DNTT: variants seen among roughly 807,000 people sequenced by gnomAD.
DNTT encodes the protein DNA nucleotidylexotransferase, also known as nucleosidetriphosphate:DNA deoxynucleotidylexotransferase.
DNTT carries 47 observed loss-of-function variants against 60.9 expected under a neutral mutation model. That is an observed-to-expected ratio of 0.77 (90% CI 0.61 to 0.98). The LOEUF (loss-of-function observed/expected upper bound fraction) is 0.98. Ranked by LOEUF, DNTT falls within the 50% of genes least tolerant of loss-of-function variation. DNTT has a pLI of 0.00. For synonymous variants in DNTT, 224 were observed against 221.2 expected (o/e 1.01, Z -0.11); for missense variants, 665 against 627.5 (o/e 1.06, Z -0.64).
At position 96,328,628 on chromosome 10, in the gene DNTT, C is replaced by T. The variant is rs1844967293; in HGVS notation, c.1008-97C>T. Reference sequence around the variant, plus strand: ...AAAAAGTCAAGAACCTTCTATGTTGCAAATCTTAAGCATAGGGCATAGAAA... The same window carrying T: ...AAAAAGTCAAGAACCTTCTATGTTGTAAATCTTAAGCATAGGGCATAGAAA... On this transcript the variant is annotated intron_variant, in intron 7 of 10. Coordinates refer to ENST00000371174, the MANE Select transcript of DNTT (RefSeq NM_004088.4). The T allele has an allele frequency of 2.5e-6, 3 of 1,184,832 alleles. No homozygotes were observed. The African/African-American group carries it at 4.6e-5, about 18-fold the overall frequency. 73.4% of individuals were successfully genotyped at this position (1,184,832 alleles called of 1,614,324 possible). A position where few individuals can be genotyped will look rare whatever the true frequency, so the allele number is the denominator to read the frequency against.
chr10:96,305,622 T>TG (rs1236879837), intron 1 of DNTT, among the ~76,000 whole-genome samples: 9 of 152,216 alleles, frequency 5.9e-5, no homozygotes, highest in African/African-American at 2.2e-4. Context: ...CCACAAATTT[T>TG]CAGGCAAAAC....
chr10:96,304,576 C>T lies in DNTT; in HGVS notation c.79C>T (p.Pro27Ser). The T allele has an allele frequency of 6.2e-7, 1 of 1,614,160 alleles. No homozygotes were observed. The highest frequency in any genetic ancestry group is 8.5e-7 in the Non-Finnish European group (1 of 1,180,022). The part of the protein sequence containing the change: ...RQTGALMASS[P>S]QDIKFQDLVV... The stretch of plus-strand genomic sequence containing the variant: ...GACGGGTGCCTTGATGGCCTCCTCT[C>T]CTCAAGACATCAAATTTCAAGATTT... The change falls in exon 1 of 11, where the codon CCT (proline) becomes TCT (serine). Residue 27 changes from proline (P) to serine (S), a missense_variant. By Grantham distance (74) the Pro-to-Ser change is moderately conservative (BLOSUM62 -1). Transcript: ENST00000371174.
intron 1 of DNTT, among the ~76,000 whole-genome samples, chr10:96,315,207 C>CA: frequency 6.8e-6 from 1 of 146,888 alleles, no homozygotes; most frequent in African/African-American, 2.5e-5. Context: ...GACCAGTTTT[C>CA]AAAAAATGTG....
chr10:96,318,640 C>A, intron 2 of DNTT, 114 bp downstream of exon 2: 1 of 1,296,336 alleles, frequency 7.7e-7, no homozygotes, highest in Non-Finnish European at 1.0e-6. Context: ...CCTGTGTGAC[C>A]TTGGGCAAGT....
intron 3 of DNTT, 41 bp downstream of exon 3, chr10:96,319,431 C>T: frequency 6.2e-7 from 1 of 1,601,220 alleles, no homozygotes; most frequent in Non-Finnish European, 8.5e-7. Context: ...AAACGAAGGG[C>T]TTGCAGCTTC....
At chr10:96,306,092 ATT>A (rs66877330) in intron 1 of DNTT, among the ~76,000 whole-genome samples, 3,091 of 131,398 alleles carry the variant, frequency 0.024, 111 homozygotes, top group African/African-American at 0.078. Context: ...AAAAAAATAG[ATT>A]TTTTTTTTTT....
At chr10:96,311,032 A>C (rs1393044223) in intron 1 of DNTT, among the ~76,000 whole-genome samples, 2 of 152,234 alleles carry the variant, frequency 1.3e-5, no homozygotes, top group Admixed American at 6.5e-5. Context: ...TGGGCCAAAA[A>C]AAATCGAGGC....
At chr10:96,309,015 T>TG (rs1409695836) in intron 1 of DNTT, among the ~76,000 whole-genome samples, 2 of 152,238 alleles carry the variant, frequency 1.3e-5, no homozygotes, top group African/African-American at 4.8e-5. Flanking sequence ...CTCAGAGGCC[T>TG]GACAATTAGT....
At chr10:96,312,182 T>C (rs892908756) in intron 1 of DNTT, among the ~76,000 whole-genome samples, 3 of 152,006 alleles carry the variant, frequency 2.0e-5, no homozygotes, top group Middle Eastern at 3.4e-3. Context: ...AAGGCTCGAG[T>C]GGGAGTCAAA....
chr10:96,323,977 A>T (rs1180271245), intron 5 of DNTT, among the ~76,000 whole-genome samples: 1 of 152,232 alleles, frequency 6.6e-6, no homozygotes, highest in Non-Finnish European at 1.5e-5. Flanking sequence ...ACTCATGGAC[A>T]GCACAGGCAG....
At chr10:96,307,485 G>A (rs1483682969) in intron 1 of DNTT, among the ~76,000 whole-genome samples, 1 of 150,072 alleles carries the variant, frequency 6.7e-6, no homozygotes, top group Non-Finnish European at 1.5e-5. Context: ...CTCCTGAACA[G>A]CTGGGACTAC....
rs776333383 is a variant in DNTT at position 96,304,649 on chromosome 10, T to A, written c.152T>A (p.Phe51Tyr). Residue 51 changes from phenylalanine (F) to tyrosine (Y), a missense_variant, in exon 1 of 11, where the codon TTC becomes TAC. Phe to Tyr is a conservative substitution (Grantham distance 22). Coordinates refer to ENST00000371174, the MANE Select transcript of DNTT (RefSeq NM_004088.4). ...AAAATGGGAACCACCCGCAGAGCGT[T>A]CCTCATGGAGCTGGCCCGCAGGAAA... ...EKKMGTTRRA[F>Y]LMELARRKGF... 1.3e-5 allele frequency: 21 copies of A among 1,614,010 alleles called. No individual in the cohort carries two copies. The highest frequency in any genetic ancestry group is 1.7e-5 in the Non-Finnish European group (20 of 1,180,020).
Position 96,319,372 on chromosome 10 carries a change from C to T in DNTT, c.489C>T (p.Asn163=), listed in dbSNP as rs746037940. 1.4e-5 allele frequency: 22 copies of T among 1,613,790 alleles called. No individual in the cohort carries two copies. Among genetic ancestry groups the T allele is most frequent in the African/African-American group, 1.3e-5 (1 of 75,016 alleles). ...YACQRRTTLN[N]CNQIFTDAFD... ...GTCAGAGAAGAACCACTTTAAACAACTGTAACCAGATATTCACGGTAACGG... is the reference window on the plus strand; with the variant it reads ...GTCAGAGAAGAACCACTTTAAACAATTGTAACCAGATATTCACGGTAACGG... Residue 163 remains asparagine, a synonymous_variant, in exon 3 of 11, where the codon AAC becomes AAT. Coordinates refer to ENST00000371174, the MANE Select transcript of DNTT (RefSeq NM_004088.4).
At chr10:96,315,231 C>T (rs1229794680) in intron 1 of DNTT, among the ~76,000 whole-genome samples, 1 of 26,458 alleles carries the variant, frequency 3.8e-5, no homozygotes, top group Non-Finnish European at 7.6e-5. Context: ...AAGACCAATG[C>T]TTCTTTTTTT....
chr10:96,332,271 G>T lies in DNTT; in HGVS notation c.1114-80G>T, dbSNP rs1007991764. 4.5e-6 allele frequency: 7 copies of T among 1,551,758 alleles called. No individual in the cohort carries two copies. In the African/African-American group the frequency reaches 8.2e-5, roughly 18 times the overall value. ...TCCATGTTCTGCTCGAATCTGAAAAGATTTCATTAAGAATCCAGTGTTAAA... is the reference window on the plus strand; with the variant it reads ...TCCATGTTCTGCTCGAATCTGAAAATATTTCATTAAGAATCCAGTGTTAAA... On this transcript the variant is annotated intron_variant, in intron 8 of 10. Coordinates refer to ENST00000371174, the MANE Select transcript of DNTT (RefSeq NM_004088.4).
At chr10:96,326,183 C>T (rs1440582578) in intron 6 of DNTT, among the ~76,000 whole-genome samples, 2 of 151,246 alleles carry the variant, frequency 1.3e-5, no homozygotes, top group African/African-American at 2.5e-5. Flanking sequence ...TTTGTGGTTA[C>T]CCAGTGAGTT....
At chr10:96,329,922 C>A (rs570617082) in intron 8 of DNTT, among the ~76,000 whole-genome samples, 1 of 152,158 alleles carries the variant, frequency 6.6e-6, no homozygotes, top group African/African-American at 2.4e-5. Context: ...GAGAACTGGC[C>A]GCTCTGTACC....
chr10:96,328,959 C>A, intron 8 of DNTT, 129 bp downstream of exon 8: 1 of 924,872 alleles, frequency 1.1e-6, no homozygotes, highest in Non-Finnish European at 1.6e-6. Flanking sequence ...GCAGCTTATA[C>A]AAAGCCATAT....
intron 4 of DNTT, among the ~76,000 whole-genome samples, chr10:96,321,017 A>G (rs940169185): frequency 2.6e-5 from 4 of 151,924 alleles, no homozygotes; most frequent in Non-Finnish European, 4.4e-5. Flanking sequence ...TATATATGTT[A>G]GGGGTTGTGA....
Sources: allele counts gnomAD v4.1 joint callset (sites outside exome capture counted in the v4.1 genomes callset), GRCh38; gene constraint gnomAD v4.1.1; transcripts MANE v1.5; gene names NCBI Gene and HGNC (gene_info 2026-07-23, HGNC 2026-07-21).